PKD2: variants seen among roughly 807,000 people sequenced by gnomAD.
The protein encoded by PKD2 is polycystin-2.
A neutral mutation model predicts 105.9 loss-of-function variants in PKD2; 48 were observed. The ratio of observed to expected loss-of-function variants is 0.45; its 90% confidence interval spans 0.36 to 0.58. PKD2 has a LOEUF of 0.58. Among genes scored for constraint, PKD2 ranks in the 20% least tolerant of loss-of-function variants. The pLI, the probability that PKD2 is intolerant of heterozygous loss-of-function variation, is 0.00. For missense variants in PKD2, 1,078 were observed against 1,255.3 expected, an observed-to-expected ratio of 0.86 and a Z score of 2.13; for synonymous variants, 464 against 481.1, an observed-to-expected ratio of 0.96 and a Z score of 0.46.
At chr4:88,019,381 T>A in intron 1 of PKD2, 77 bp from the exon 2 acceptor site, 1 of 793,816 alleles carries the variant, frequency 1.3e-6, no homozygotes, top group Non-Finnish European at 2.2e-6. Context: ...TAATTTGTGC[T>A]TTATTTTCCC....
intron 9 of PKD2, among the ~76,000 whole-genome samples, chr4:88,061,259 A>G (rs1464396375): frequency 6.6e-6 from 1 of 152,234 alleles, no homozygotes; most frequent in Non-Finnish European, 1.5e-5. Flanking sequence ...TTCTAAATAT[A>G]GAGAACATAG....
chr4:88,016,170 G>A (rs910415468), intron 1 of PKD2, among the ~76,000 whole-genome samples: 1 of 152,160 alleles, frequency 6.6e-6, no homozygotes, highest in African/African-American at 2.4e-5. Context: ...CCTGCTGTGG[G>A]GCCCGGTTCC....
chr4:88,064,616 G>C (rs1720716752), intron 10 of PKD2, among the ~76,000 whole-genome samples: 2 of 152,142 alleles, frequency 1.3e-5, no homozygotes, highest in Non-Finnish European at 2.9e-5. Context: ...TCCTCGGCCA[G>C]GGGCAGTGGC....
At chr4:88,043,563 T>C (rs1266313986) in intron 5 of PKD2, 106 bp downstream of exon 5, 7 of 774,228 alleles carry the variant, frequency 9.0e-6, no homozygotes. Context: ...TACATGAGGA[T>C]GCCAAGGACC....
intron 2 of PKD2, among the ~76,000 whole-genome samples, chr4:88,030,053 G>A (rs1399011581): frequency 6.6e-6 from 1 of 152,192 alleles, no homozygotes; most frequent in Non-Finnish European, 1.5e-5. Context: ...ATGAACCACA[G>A]ATTAGATGGA....
intron 7 of PKD2, among the ~76,000 whole-genome samples, chr4:88,053,960 G>T (rs974129784): frequency 1.3e-5 from 2 of 152,050 alleles, no homozygotes; most frequent in Admixed American, 6.6e-5. Context: ...ATTTAAATTT[G>T]AATTTAGATA....
intron 4 of PKD2, among the ~76,000 whole-genome samples, chr4:88,039,653 AG>A: frequency 1.4e-5 from 2 of 142,738 alleles, no homozygotes; most frequent in African/African-American, 2.8e-5. Context: ...CAACAGAGCA[AG>A]ACTCCCCCTC....
intron 6 of PKD2, 33 bp downstream of exon 6, chr4:88,046,903 C>A: frequency 8.2e-7 from 1 of 1,221,674 alleles, no homozygotes; most frequent in South Asian, 1.2e-5. Flanking sequence ...ATTTCCTATT[C>A]TATTCTACAA....
At chr4:88,051,957 C>A in intron 6 of PKD2, 34 bp from the exon 7 acceptor site, 1 of 1,218,898 alleles carries the variant, frequency 8.2e-7, no homozygotes, top group Non-Finnish European at 1.2e-6. Flanking sequence ...ATTTCTAAAA[C>A]ACTGTAATAA....
At chr4:88,061,322 A>G (rs940888203) in intron 9 of PKD2, among the ~76,000 whole-genome samples, 6 of 152,210 alleles carry the variant, frequency 3.9e-5, no homozygotes, top group African/African-American at 1.4e-4. Context: ...AGGTAAATAT[A>G]CTAATATTTT....
chr4:88,069,460 A>G (rs1304203118), intron 13 of PKD2, among the ~76,000 whole-genome samples: 2 of 152,004 alleles, frequency 1.3e-5, no homozygotes, highest in South Asian at 2.1e-4. Flanking sequence ...GAGTTGCTCT[A>G]AGACTTAGTT....
At chr4:88,020,039 GGT>G (rs1277325696) in intron 2 of PKD2, among the ~76,000 whole-genome samples, 1 of 152,126 alleles carries the variant, frequency 6.6e-6, no homozygotes, top group East Asian at 1.9e-4. Context: ...CATCGTCAGT[GGT>G]GGTGATTTTC....
At chr4:88,060,771 A>G (rs914526413) in intron 9 of PKD2, among the ~76,000 whole-genome samples, 2 of 152,182 alleles carry the variant, frequency 1.3e-5, no homozygotes, top group African/African-American at 4.8e-5. Flanking sequence ...GGTCAGAAAA[A>G]TGAACTCACC....
Position 88,065,482 on chromosome 4 carries a change from C to G in PKD2, c.2227C>G (p.Gln743Glu). Residue 743 changes from glutamine to glutamate, a missense_variant, in exon 11 of 15, where the codon CAA (glutamine) becomes GAA (glutamate). By Grantham distance (29) the Gln-to-Glu change is conservative. Transcript: ENST00000237596. Reference sequence around the variant, plus strand: ...CAAGTTAAACTTTGACGAACTTCGACAAGATCTCAAAGGGTGAGAATCATG... The same window carrying G: ...CAAGTTAAACTTTGACGAACTTCGAGAAGATCTCAAAGGGTGAGAATCATG... ...GGKLNFDELRQDLKGKGHTDA... is the reference protein window; with the variant it reads ...GGKLNFDELREDLKGKGHTDA... The G allele has an allele frequency of 6.2e-7, 1 of 1,613,644 alleles. No individual in the cohort carries two copies. The highest frequency in any genetic ancestry group is 8.5e-7 in the Non-Finnish European group (1 of 1,179,634).
chr4:88,028,339 G>A (rs985032822), intron 2 of PKD2, among the ~76,000 whole-genome samples: 3 of 152,240 alleles, frequency 2.0e-5, no homozygotes, highest in African/African-American at 7.2e-5. Flanking sequence ...TAATCTCACA[G>A]CAGCTGCAGG....
chr4:88,060,661 T>TA (rs202005447), intron 9 of PKD2, among the ~76,000 whole-genome samples: 29 of 150,848 alleles, frequency 1.9e-4, no homozygotes, highest in African/African-American at 5.8e-4. Flanking sequence ...AAAAACAAAG[T>TA]AAAAAAAAAG....
At chr4:88,013,268 A>G (rs1308428084) in intron 1 of PKD2, among the ~76,000 whole-genome samples, 1 of 152,164 alleles carries the variant, frequency 6.6e-6, no homozygotes, top group African/African-American at 2.4e-5. Flanking sequence ...AAAAACATTC[A>G]TGGGACTTTC....
At chr4:88,031,611 G>A (rs1727155640) in intron 2 of PKD2, among the ~76,000 whole-genome samples, 1 of 152,102 alleles carries the variant, frequency 6.6e-6, no homozygotes, top group Non-Finnish European at 1.5e-5. Flanking sequence ...GGGTTATTAA[G>A]AGAGGGAAAA....
chr4:88,013,829 T>G (rs970080617), intron 1 of PKD2, among the ~76,000 whole-genome samples: 2 of 152,020 alleles, frequency 1.3e-5, no homozygotes, highest in Non-Finnish European at 1.5e-5. Context: ...GGAAAAATAA[T>G]AGGAACAAGA....
Sources: allele counts gnomAD v4.1 joint callset (sites outside exome capture counted in the v4.1 genomes callset), GRCh38; gene constraint gnomAD v4.1.1; transcripts MANE v1.5; gene names NCBI Gene and HGNC (gene_info 2026-07-23, HGNC 2026-07-21).